ATAD2B: variants seen among roughly 807,000 people sequenced by gnomAD.
The protein encoded by ATAD2B is ATPase family AAA domain containing 2B, also known as ATPase family AAA domain-containing protein 2B.
In ATAD2B, 40 loss-of-function variants were observed where a neutral mutation model predicts 167.6. That is an observed-to-expected ratio of 0.24 (90% CI 0.19 to 0.31). ATAD2B has a LOEUF of 0.31. Ranked by LOEUF, ATAD2B falls within the 10% of genes least tolerant of loss-of-function variation. ATAD2B has a pLI of 1.00. For missense variants in ATAD2B, 1,242 were observed against 1,757.2 expected (o/e 0.71, Z 5.24); for synonymous variants, 579 against 596.5 (o/e 0.97, Z 0.43).
At chr2:23,865,631 G>T (rs988796964) in intron 10 of ATAD2B, among the ~76,000 whole-genome samples, 1 of 152,028 alleles carries the variant, frequency 6.6e-6, no homozygotes, top group Non-Finnish European at 1.5e-5. Context: ...GCAAAAATTG[G>T]TTCAAGGGTA....
chr2:23,792,962 C>CCA (rs1682013649), intron 19 of ATAD2B, among the ~76,000 whole-genome samples: 2 of 42,556 alleles, frequency 4.7e-5, no homozygotes, highest in Non-Finnish European at 7.7e-5. Flanking sequence ...GACTCTGTCT[C>CCA]AAAAAAAAAA....
intron 1 of ATAD2B, among the ~76,000 whole-genome samples, chr2:23,913,215 A>G (rs1702548727): frequency 6.6e-6 from 1 of 152,194 alleles, no homozygotes; most frequent in Non-Finnish European, 1.5e-5. Context: ...AAAGCATCCA[A>G]TCCTACAAAA....
chr2:23,884,568 A>C (rs1698417666), intron 6 of ATAD2B, among the ~76,000 whole-genome samples, 197 bp downstream of exon 6: 1 of 152,244 alleles, frequency 6.6e-6, no homozygotes, highest in South Asian at 2.1e-4. Flanking sequence ...TATAATGTGC[A>C]CTTAAAAGTA....
Position 23,863,397 on chromosome 2 carries a change from C to T in ATAD2B, c.1463G>A (p.Arg488Lys). 1 of 1,552,076 alleles carries T rather than the reference C, an allele frequency of 6.4e-7. No individual in the cohort carries two copies. Among genetic ancestry groups the T allele is most frequent in the Non-Finnish European group, 8.7e-7 (1 of 1,147,054 alleles). ...TTCTCTTACCTGATCAAAAAGAAGCCTAAGTTGCCTTTCAGATTCACCAAC... is the reference window on the plus strand; with the variant it reads ...TTCTCTTACCTGATCAAAAAGAAGCTTAAGTTGCCTTTCAGATTCACCAAC... ...KWVGESERQL[R>K]LLFDQAYLMR... The change falls in exon 12 of 28, where the codon AGG becomes AAG. Residue 488 changes from arginine (R) to lysine (K), a missense_variant. By Grantham distance (26) the Arg-to-Lys change is conservative. Coordinates refer to ENST00000238789, the MANE Select transcript of ATAD2B (RefSeq NM_017552.4).
the ATAD2B span, among the ~76,000 whole-genome samples, chr2:23,738,098 G>C: frequency 1.3e-5 from 2 of 152,212 alleles, no homozygotes; most frequent in East Asian, 3.8e-4. Flanking sequence ...GTGACGGGGA[G>C]AATGGAACCA....
At chr2:23,877,110 A>T (rs912459230) in intron 7 of ATAD2B, among the ~76,000 whole-genome samples, 5 of 151,144 alleles carry the variant, frequency 3.3e-5, no homozygotes, top group African/African-American at 1.2e-4. Context: ...AGCACAATCC[A>T]TTCAAAGAAC....
At chr2:23,899,799 C>T (rs985678625) in intron 1 of ATAD2B, among the ~76,000 whole-genome samples, 7 of 151,568 alleles carry the variant, frequency 4.6e-5, no homozygotes, top group Admixed American at 6.6e-5. Flanking sequence ...CCATATTGGC[C>T]AGGCTGGTCT....
At position 23,780,645 on chromosome 2, in the gene ATAD2B, A is replaced by T. The variant is rs183397374; in HGVS notation, c.3133+2224T>A. 4.7e-4 allele frequency among the ~76,000 whole-genome samples: 72 copies of T among 152,254 alleles called. No individual in the cohort carries two copies. The Middle Eastern group carries it at 0.02, about 43-fold the overall frequency. On this transcript the variant is annotated intron_variant, in intron 22 of 27. Transcript: ENST00000238789. ...CCAGGCGCGGTGGCTCACACCTATAATCCCAGCACTCTGGGAGGCCGAGAG... is the reference window on the plus strand; with the variant it reads ...CCAGGCGCGGTGGCTCACACCTATATTCCCAGCACTCTGGGAGGCCGAGAG...
At chr2:23,757,370 A>T in intron 25 of ATAD2B, 48 bp downstream of exon 25, 1 of 1,344,152 alleles carries the variant, frequency 7.4e-7, no homozygotes, top group Non-Finnish European at 1.0e-6. Context: ...ACAACGAATT[A>T]ACTCTGGAGT....
At chr2:23,764,474 A>C (rs1677146769) in intron 23 of ATAD2B, among the ~76,000 whole-genome samples, 1 of 152,216 alleles carries the variant, frequency 6.6e-6, no homozygotes, top group African/African-American at 2.4e-5. Context: ...TCTACAAGAT[A>C]AATCACAAGC....
At chr2:23,816,057 A>G (rs1299279989) in intron 17 of ATAD2B, among the ~76,000 whole-genome samples, 1 of 152,224 alleles carries the variant, frequency 6.6e-6, no homozygotes, top group Non-Finnish European at 1.5e-5. Context: ...GAATGAGTGA[A>G]TGAATATATG....
intron 23 of ATAD2B, among the ~76,000 whole-genome samples, chr2:23,764,387 C>T (rs1344090574): frequency 6.6e-6 from 1 of 152,132 alleles, no homozygotes; most frequent in Non-Finnish European, 1.5e-5. Flanking sequence ...GATTTCTTGG[C>T]CTTAATATTC....
the ATAD2B span, chr2:23,696,205 G>A: frequency 7.3e-6 from 11 of 1,502,326 alleles, no homozygotes; most frequent in South Asian, 3.8e-5. The surrounding 1 kb of genome is among the most constrained non-coding windows in gnomAD (Gnocchi z 5.5). Flanking sequence ...CGTCAGGGCT[G>A]AGGAAGGCCA....
At chr2:23,797,044 T>C (rs1307231467) in intron 19 of ATAD2B, among the ~76,000 whole-genome samples, 3 of 152,152 alleles carry the variant, frequency 2.0e-5, no homozygotes, top group East Asian at 1.9e-4. Context: ...CTACATTTAA[T>C]ATATTTTCCT....
chr2:23,732,484 C>A, the ATAD2B span, among the ~76,000 whole-genome samples: 1 of 152,136 alleles, frequency 6.6e-6, no homozygotes, highest in East Asian at 1.9e-4. Flanking sequence ...GATTGTCTAA[C>A]AATGTTATTT....
rs185877995 is a variant in ATAD2B at position 23,779,689 on chromosome 2, C to T, written c.3133+3180G>A. On this transcript the variant is annotated intron_variant, in intron 22 of 27. Transcript: ENST00000238789. ...TAAAAAATCTAATATGTCCAACAAT[C>T]GGGTATTAGCTGTTATATGAGATCT... Among the ~76,000 whole-genome samples the T allele has an allele frequency of 1.8e-3, 263 of 150,006 alleles. 1 individual carries two copies. The highest frequency in any genetic ancestry group is 6.1e-3 in the African/African-American group (248 of 40,696).
intron 23 of ATAD2B, among the ~76,000 whole-genome samples, chr2:23,764,979 G>A (rs1387230494): frequency 1.3e-5 from 2 of 152,164 alleles, no homozygotes; most frequent in Non-Finnish European, 2.9e-5. Flanking sequence ...TTCAACCAGT[G>A]CATACACCAC....
At position 23,762,216 on chromosome 2, in the gene ATAD2B, T is replaced by C; in HGVS notation, c.3387A>G (p.Lys1129=). 1 of 1,613,508 alleles carries C rather than the reference T, an allele frequency of 6.2e-7. No homozygotes were observed. Among genetic ancestry groups the C allele is most frequent in the Non-Finnish European group, 8.5e-7 (1 of 1,179,676 alleles). Reference sequence around the variant, plus strand: ...ATGAGCTGAAATACTCACATGCACATTTATTTGCAGAGTTGTGCCACACAT... The same window carrying C: ...ATGAGCTGAAATACTCACATGCACACTTATTTGCAGAGTTGTGCCACACAT... ...PMDVWHNSAN[K]CAFRVRRKSR... is the part of the protein sequence containing the mutation. Residue 1129 remains lysine, a synonymous_variant, in exon 24 of 28, where the codon AAA becomes AAG. Coordinates refer to ENST00000238789, the MANE Select transcript of ATAD2B (RefSeq NM_017552.4).
the ATAD2B span, among the ~76,000 whole-genome samples, chr2:23,729,445 A>G: frequency 6.6e-6 from 1 of 152,152 alleles, no homozygotes; most frequent in African/African-American, 2.4e-5. Context: ...ACCGTGTAAG[A>G]AAGTAACCTG....
Sources: gnomAD v4.1 joint callset for allele counts (sites outside exome capture counted in the v4.1 genomes callset) on GRCh38, gnomAD v4.1.1 for gene constraint, Gnocchi (gnomAD v3.1) non-coding constraint, MANE v1.5 for transcripts, NCBI Gene and HGNC (gene_info 2026-07-23, HGNC 2026-07-21) for gene names.